Variants in CFAP299 observed in about 807,000 individuals in gnomAD.
CFAP299 encodes cilia- and flagella-associated protein 299.
Under a neutral mutation model 27.0 loss-of-function variants are expected in CFAP299, and 21 were observed. That is an observed-to-expected ratio of 0.78 (90% CI 0.55 to 1.12). The LOEUF is 1.12. CFAP299 is among the 50% of genes most tolerant of loss of function. The pLI is 0.00. For synonymous variants in CFAP299, 104 were observed against 98.1 expected, an observed-to-expected ratio of 1.06 and a Z score of -0.36; for missense variants, 310 against 276.6, an observed-to-expected ratio of 1.12 and a Z score of -0.86.
intron 3 of CFAP299, among the ~76,000 whole-genome samples, chr4:80,585,394 A>G (rs1456582183): frequency 1.3e-5 from 2 of 152,112 alleles, no homozygotes; most frequent in South Asian, 2.1e-4. Context: ...TCCAAAGTTT[A>G]CCTCCATATT....
chr4:80,327,668 T>C, the CFAP299 span, among the ~76,000 whole-genome samples: 2 of 142,452 alleles, frequency 1.4e-5, no homozygotes, highest in Non-Finnish European at 3.0e-5. Flanking sequence ...ATTTTATATA[T>C]ACATATATAT....
At position 80,776,213 on chromosome 4, in the gene CFAP299, G is replaced by A. The variant is rs146230141; in HGVS notation, c.334-93780G>A. 4.9e-3 allele frequency among the ~76,000 whole-genome samples: 738 copies of A among 152,132 alleles called. 6 individuals are homozygous for A. Among genetic ancestry groups the A allele is most frequent in the South Asian group, 0.01 (50 of 4,828 alleles). On this transcript the variant is annotated intron_variant, in intron 3 of 5. Transcript: ENST00000358105. ...CATACAAGTATATCATGCTAATTTG[G>A]CAATTTTCACAATTATTTTAGAACT...
In CFAP299 at chr4:80,583,079, T is replaced by G; in HGVS notation, c.243-14T>G. The G allele has an allele frequency of 6.4e-7, 1 of 1,564,854 alleles. No individual in the cohort carries two copies. Among genetic ancestry groups the G allele is most frequent in the Non-Finnish European group, 8.7e-7 (1 of 1,144,832 alleles). Reference sequence around the variant, plus strand: ...TTATCTAATATATTATAACTGAAGATCTGCCTTTTACAGGACGCTAACAAG... The same window carrying G: ...TTATCTAATATATTATAACTGAAGAGCTGCCTTTTACAGGACGCTAACAAG... On this transcript the variant is annotated splice_polypyrimidine_tract_variant and intron_variant, in intron 2 of 5. Coordinates refer to ENST00000358105, the MANE Select transcript of CFAP299 (RefSeq NM_152770.3).
At chr4:80,506,267 C>T (rs1307147788) in intron 2 of CFAP299, among the ~76,000 whole-genome samples, 1 of 151,908 alleles carries the variant, frequency 6.6e-6, no homozygotes, top group Non-Finnish European at 1.5e-5. Context: ...AAATCCAGGA[C>T]TATTTGAAAC....
chr4:80,857,875 T>G lies in CFAP299; in HGVS notation c.334-12118T>G, dbSNP rs563989387. 2.6e-3 allele frequency among the ~76,000 whole-genome samples: 403 copies of G among 152,270 alleles called. 2 individuals are homozygous for G. The highest frequency in any genetic ancestry group is 9.1e-3 in the African/African-American group (380 of 41,562). ...TATTGGTCTAAAATTCTCTTTTTTT[T>G]GTTGTGTCTCTGCCCAGCTTTGGTA... On this transcript the variant is annotated intron_variant, in intron 3 of 5. Transcript: ENST00000358105.
intron 3 of CFAP299, among the ~76,000 whole-genome samples, chr4:80,684,486 C>T (rs1015433807): frequency 2.6e-5 from 4 of 152,210 alleles, no homozygotes; most frequent in African/African-American, 9.6e-5. Context: ...AGGATGGTTT[C>T]GATCTCCTGA....
At chr4:80,552,375 G>A (rs1334636499) in intron 2 of CFAP299, among the ~76,000 whole-genome samples, 5 of 152,042 alleles carry the variant, frequency 3.3e-5, no homozygotes, top group Admixed American at 6.6e-5. Context: ...TGTCTTTTCC[G>A]TGGCCTCGAC....
chr4:80,322,608 T>C, the CFAP299 span, among the ~76,000 whole-genome samples: 3 of 152,212 alleles, frequency 2.0e-5, no homozygotes, highest in Admixed American at 6.5e-5. Flanking sequence ...TCAAGCGCTG[T>C]CTGTTCTGCT....
chr4:80,765,723 A>T (rs1399260412), intron 3 of CFAP299, among the ~76,000 whole-genome samples: 2 of 152,140 alleles, frequency 1.3e-5, no homozygotes, highest in Admixed American at 1.3e-4. Flanking sequence ...ATGAATTTCT[A>T]AAACGAAATA....
At position 80,347,933 on chromosome 4, in the gene CFAP299, G is replaced by A. The variant is rs151088540; in HGVS notation, c.111+12054G>A. 4.1e-3 allele frequency among the ~76,000 whole-genome samples: 630 copies of A among 152,174 alleles called. 4 individuals carry two copies. The highest frequency in any genetic ancestry group is 5.5e-3 in the Non-Finnish European group (375 of 68,004). ...ATAATGATACAAAACCAGACACACA[G>A]AGCAACAGAACAGAATAGAGAACTG... On this transcript the variant is annotated intron_variant, in intron 1 of 5. Transcript: ENST00000358105.
intron 2 of CFAP299, among the ~76,000 whole-genome samples, chr4:80,399,841 AT>A (rs1419912434): frequency 1.3e-5 from 2 of 152,176 alleles, no homozygotes; most frequent in Admixed American, 6.5e-5. Context: ...AAGTATAATA[AT>A]AAAAAAAATT....
the CFAP299 span, among the ~76,000 whole-genome samples, chr4:80,326,111 G>A: frequency 6.6e-6 from 1 of 152,150 alleles, no homozygotes; most frequent in Non-Finnish European, 1.5e-5. Flanking sequence ...ATCCTGGAAG[G>A]TAATTAATTC....
intron 3 of CFAP299, among the ~76,000 whole-genome samples, chr4:80,691,064 C>A (rs1351614722): frequency 3.4e-5 from 4 of 118,004 alleles, no homozygotes; most frequent in African/African-American, 6.3e-5. Flanking sequence ...GCTTACCAAC[C>A]AAAAAGAGTC....
chr4:80,660,620 G>A (rs1358311942), intron 3 of CFAP299, among the ~76,000 whole-genome samples: 20 of 152,202 alleles, frequency 1.3e-4, no homozygotes, highest in Admixed American at 9.8e-4. Flanking sequence ...TAAGGGTGGC[G>A]ATGGAAAACA....
chr4:80,387,477 G>C (rs1182593624), intron 2 of CFAP299: 1 of 809,580 alleles, frequency 1.2e-6, no homozygotes, highest in Non-Finnish European at 2.1e-6. Context: ...CTTGCCCCTT[G>C]CTATCGCTGG....
At chr4:80,694,013 G>T (rs1720930137) in intron 3 of CFAP299, among the ~76,000 whole-genome samples, 2 of 152,086 alleles carry the variant, frequency 1.3e-5, no homozygotes, top group South Asian at 4.1e-4. Flanking sequence ...TATATGCAAA[G>T]ATTGTGAAAA....
chr4:80,828,557 A>G (rs1560432751), intron 3 of CFAP299, among the ~76,000 whole-genome samples: 1 of 151,902 alleles, frequency 6.6e-6, no homozygotes, highest in South Asian at 2.1e-4. Flanking sequence ...TGCTGTCTTC[A>G]TGATAGTGAG....
intron 3 of CFAP299, among the ~76,000 whole-genome samples, chr4:80,757,524 A>G (rs769167944): frequency 5.3e-5 from 8 of 152,166 alleles, no homozygotes; most frequent in Non-Finnish European, 1.2e-4. Flanking sequence ...ATATTCTTTT[A>G]TAGTCTTACT....
At chr4:80,438,213 C>T (rs1728185524) in intron 2 of CFAP299, among the ~76,000 whole-genome samples, 1 of 152,106 alleles carries the variant, frequency 6.6e-6, no homozygotes, top group Admixed American at 6.5e-5. Context: ...CCACAGACCT[C>T]ACTAAGATAA....
Sources: gnomAD v4.1 joint callset for allele counts (sites outside exome capture counted in the v4.1 genomes callset) on GRCh38, gnomAD v4.1.1 for gene constraint, MANE v1.5 for transcripts, NCBI Gene and HGNC (gene_info 2026-07-23, HGNC 2026-07-21) for gene names.